ALDH1L1: variants seen among roughly 807,000 people sequenced by gnomAD.
ALDH1L1 encodes aldehyde dehydrogenase 1 family member L1.
In ALDH1L1, 68 loss-of-function variants were observed where a neutral mutation model predicts 101.1. The ratio of observed to expected loss-of-function variants is 0.67; its 90% CI spans 0.55 to 0.82. The LOEUF is 0.82. ALDH1L1 is among the 40% of genes least tolerant of loss of function. The probability of loss-of-function intolerance (pLI) is 0.00; values close to 1 mark genes in which losing one functional copy is unlikely to be tolerated. For missense variants in ALDH1L1, 1,087 were observed against 1,172.7 expected (o/e 0.93, Z 1.07); for synonymous variants, 486 against 470.8 (o/e 1.03, Z -0.42).
intron 21 of ALDH1L1, 40 bp from the exon 22 acceptor site, chr3:126,105,965 C>G (rs1945854777): frequency 8.8e-6 from 14 of 1,594,210 alleles, no homozygotes; most frequent in Non-Finnish European, 1.2e-5. Context: ...GAGGGAGGTG[C>G]AGAGGAGAGC....
Position 126,125,716 on chromosome 3 carries a change from C to A in ALDH1L1, c.1700G>T (p.Cys567Phe). ...ATAGTTCCAGGGGATGATGATGCCA[C>A]AAACCCTGCCACACAAAAGAGGTTG... ...TLTRKEPVGV[C>F]GIIIPWNYPL... The change falls in exon 15 of 23, where the codon TGT becomes TTT. Residue 567 changes from cysteine to phenylalanine, a missense_variant. This residue lies in a region of ALDH1L1 where 442 missense variants were observed against 535.7 expected (regional missense o/e 0.83). Coordinates refer to ENST00000393434, the MANE Select transcript of ALDH1L1 (RefSeq NM_012190.4). The A allele has an allele frequency of 6.4e-7, 1 of 1,557,996 alleles. No individual in the cohort carries two copies. Among genetic ancestry groups the A allele is most frequent in the South Asian group, 1.2e-5 (1 of 82,966 alleles).
rs959192332 is a variant in ALDH1L1 at position 126,117,994 on chromosome 3, C to G, written c.1982+11G>C. On this transcript the variant is annotated intron_variant, in intron 17 of 22. Coordinates refer to ENST00000393434, the MANE Select transcript of ALDH1L1 (RefSeq NM_012190.4). ...AGCAGCCCCTCCTCTGCTCCACCCC[C>G]AGCCACGCACCTTTTCATGATGTGC... 1 of 1,610,830 alleles carries G rather than the reference C, an allele frequency of 6.2e-7. No individual in the cohort carries two copies. The highest frequency in any genetic ancestry group is 1.3e-5 in the African/African-American group (1 of 74,928).
chr3:126,114,466 G>A, intron 18 of ALDH1L1, 91 bp downstream of exon 18: 1 of 1,055,104 alleles, frequency 9.5e-7, no homozygotes, highest in Non-Finnish European at 1.3e-6. Context: ...ACACGTGTGA[G>A]TGTGGCTGTG....
intron 9 of ALDH1L1, among the ~76,000 whole-genome samples, chr3:126,145,363 T>C (rs1163942571): frequency 6.6e-6 from 1 of 152,256 alleles, no homozygotes; most frequent in Non-Finnish European, 1.5e-5. Context: ...GCTGGGTATT[T>C]GTCCAAAAGA....
chr3:126,178,491 C>T (rs931913534), intron 1 of ALDH1L1, among the ~76,000 whole-genome samples: 2 of 151,888 alleles, frequency 1.3e-5, no homozygotes, highest in African/African-American at 2.4e-5. Flanking sequence ...TGCACTCCGT[C>T]CTCAATTCTT....
chr3:126,120,673 G>T (rs2080062717), intron 16 of ALDH1L1, among the ~76,000 whole-genome samples: 1 of 152,152 alleles, frequency 6.6e-6, no homozygotes, highest in Non-Finnish European at 1.5e-5. Flanking sequence ...GATATTAGTA[G>T]TGGAGGGCTG....
intron 22 of ALDH1L1, chr3:126,105,302 C>T (rs1003190576): frequency 9.9e-6 from 3 of 303,050 alleles, no homozygotes; most frequent in South Asian, 3.3e-5. Context: ...CCTCCTGCTC[C>T]CCCTTGGCCC....
chr3:126,125,523 G>T, intron 15 of ALDH1L1, 93 bp downstream of exon 15: 6 of 1,025,458 alleles, frequency 5.9e-6, no homozygotes, highest in Non-Finnish European at 8.0e-6. Context: ...TGCCCGTGTG[G>T]CCAAGAGAGG....
At chr3:126,122,771 A>G (rs2108214662) in intron 16 of ALDH1L1, among the ~76,000 whole-genome samples, 1 of 152,328 alleles carries the variant, frequency 6.6e-6, no homozygotes, top group South Asian at 2.1e-4. Context: ...TGATAAGTAT[A>G]TGATAAGTCT....
intron 11 of ALDH1L1, among the ~76,000 whole-genome samples, chr3:126,136,370 C>A (rs772965327): frequency 3.9e-5 from 6 of 152,116 alleles, no homozygotes; most frequent in Non-Finnish European, 7.3e-5. Flanking sequence ...GAAGGAGTGG[C>A]AAACACAGGA....
At chr3:126,149,025 G>A (rs1182933774) in intron 8 of ALDH1L1, among the ~76,000 whole-genome samples, 1 of 152,186 alleles carries the variant, frequency 6.6e-6, no homozygotes, top group African/African-American at 2.4e-5. Flanking sequence ...GGGAACCTGG[G>A]TGAGAGCTTT....
At chr3:126,135,689 G>T (rs747681108) in intron 11 of ALDH1L1, 27 bp from the exon 12 acceptor site, 11 of 1,500,632 alleles carry the variant, frequency 7.3e-6, no homozygotes, top group Admixed American at 6.4e-5. Flanking sequence ...GCCATGACAA[G>T]TTCTCCCTAA....
intron 1 of ALDH1L1, among the ~76,000 whole-genome samples, chr3:126,192,944 G>T (rs973318987): frequency 1.3e-5 from 2 of 152,208 alleles, no homozygotes; most frequent in Non-Finnish European, 2.9e-5. Context: ...ACAGGAATCG[G>T]AGGTGAGGTA....
chr3:126,177,737 C>T (rs2081389504), intron 1 of ALDH1L1, among the ~76,000 whole-genome samples: 1 of 152,174 alleles, frequency 6.6e-6, no homozygotes, highest in African/African-American at 2.4e-5. Context: ...TCGATATTGG[C>T]TCACCAAGTA....
chr3:126,114,259 A>C (rs1437774648), intron 18 of ALDH1L1, among the ~76,000 whole-genome samples: 1 of 152,186 alleles, frequency 6.6e-6, no homozygotes, highest in African/African-American at 2.4e-5. Flanking sequence ...GAACAGATGG[A>C]GCTGTGGCGT....
chr3:126,197,226 G>A (rs1035718597), intron 1 of ALDH1L1, among the ~76,000 whole-genome samples: 4 of 152,158 alleles, frequency 2.6e-5, no homozygotes, highest in Non-Finnish European at 5.9e-5. Context: ...ACGTTTCGCT[G>A]TTTCTGTAAG....
intron 1 of ALDH1L1, among the ~76,000 whole-genome samples, chr3:126,168,508 A>G (rs1296014385): frequency 6.6e-6 from 1 of 152,170 alleles, no homozygotes; most frequent in Non-Finnish European, 1.5e-5. Context: ...TTGCTTTTCC[A>G]GATTGTTATC....
At chr3:126,192,210 C>A (rs1373678636) in intron 1 of ALDH1L1, among the ~76,000 whole-genome samples, 1 of 152,116 alleles carries the variant, frequency 6.6e-6, no homozygotes, top group African/African-American at 2.4e-5. Flanking sequence ...CCTTGTGCAT[C>A]CTTGTCCCTT....
At chr3:126,118,524 C>T (rs2080019293) in intron 16 of ALDH1L1, among the ~76,000 whole-genome samples, 1 of 152,264 alleles carries the variant, frequency 6.6e-6, no homozygotes, top group South Asian at 2.1e-4. Flanking sequence ...ACGCTGCTGA[C>T]ACCCTGATCT....
Sources: gnomAD v4.1 joint callset for allele counts (sites outside exome capture counted in the v4.1 genomes callset) on GRCh38, gnomAD v4.1.1 for gene constraint, gnomAD v4.1.1 regional missense constraint, MANE v1.5 for transcripts, NCBI Gene and HGNC (gene_info 2026-07-23, HGNC 2026-07-21) for gene names.